Variants in SORCS1 observed in about 807,000 individuals in gnomAD.
SORCS1 encodes the protein VPS10 domain-containing receptor SorCS1.
Under a neutral mutation model 146.1 loss-of-function variants are expected in SORCS1, and 60 were observed. The ratio of observed to expected loss-of-function variants is 0.41; its 90% CI spans 0.33 to 0.51. The LOEUF is 0.51. SORCS1 is among the 20% of genes least tolerant of loss of function. The probability of loss-of-function intolerance (pLI) is 0.21; values close to 1 mark genes in which losing one functional copy is unlikely to be tolerated. For synonymous variants in SORCS1, 637 were observed against 584.0 expected (o/e 1.09, Z -1.31); for missense variants, 1,352 against 1,487.6 (o/e 0.91, Z 1.50).
At chr10:107,130,094 C>A (rs1016399408) in intron 1 of SORCS1, among the ~76,000 whole-genome samples, 3 of 152,128 alleles carry the variant, frequency 2.0e-5, no homozygotes, top group Non-Finnish European at 4.4e-5. Context: ...CAATAAAGGA[C>A]CATCCAACTG....
In SORCS1 at chr10:106,957,155, G is replaced by T. The variant is rs531851656; in HGVS notation, c.559-575C>A. On this transcript the variant is annotated intron_variant, in intron 1 of 25. Transcript: ENST00000263054. ...CAAATTACATATCTATTAGCATGTG[G>T]TTTTTTTTTGTTTTTTTTGTTTTTT... Among the ~76,000 whole-genome samples the T allele has an allele frequency of 8.1e-4, 110 of 136,442 alleles. No homozygotes were observed. In the East Asian group the frequency reaches 0.018, roughly 22 times the overall value. The allele number at this position is 136,442 out of a possible 152,430, so 89.5% of individuals were successfully genotyped here.
chr10:106,651,896 C>A (rs1176707805), intron 18 of SORCS1, among the ~76,000 whole-genome samples: 1 of 152,168 alleles, frequency 6.6e-6, no homozygotes, highest in Admixed American at 6.5e-5. Flanking sequence ...AATACAAACT[C>A]TTAACTGCCA....
intron 1 of SORCS1, among the ~76,000 whole-genome samples, chr10:107,033,085 A>G (rs1958738725): frequency 1.3e-5 from 2 of 152,216 alleles, no homozygotes; most frequent in Non-Finnish European, 2.9e-5. Context: ...CAGGTTGTAC[A>G]GGAGGGCTGG....
chr10:106,917,109 T>C (rs1035766154), intron 2 of SORCS1, among the ~76,000 whole-genome samples: 4 of 152,206 alleles, frequency 2.6e-5, no homozygotes, highest in Non-Finnish European at 2.9e-5. Flanking sequence ...AGCTGAAGTA[T>C]GATGTTCTTG....
At chr10:106,913,449 G>A (rs1464573137) in intron 2 of SORCS1, among the ~76,000 whole-genome samples, 3 of 152,146 alleles carry the variant, frequency 2.0e-5, no homozygotes, top group African/African-American at 4.8e-5. Flanking sequence ...ATGTGGAGGC[G>A]ATAGTATTTA....
intron 5 of SORCS1, among the ~76,000 whole-genome samples, chr10:106,760,053 T>A (rs1408081196): frequency 6.6e-6 from 1 of 152,118 alleles, no homozygotes; most frequent in East Asian, 1.9e-4. Context: ...TAACCCACTA[T>A]GATGTGATGG....
At chr10:106,807,997 A>G (rs915543699) in intron 3 of SORCS1, among the ~76,000 whole-genome samples, 1 of 152,200 alleles carries the variant, frequency 6.6e-6, no homozygotes, top group Admixed American at 6.5e-5. Context: ...TTCTTCTTCT[A>G]CATGGTATTA....
chr10:106,844,958 C>T (rs1455884450), intron 2 of SORCS1, among the ~76,000 whole-genome samples: 2 of 147,752 alleles, frequency 1.4e-5, no homozygotes, highest in Non-Finnish European at 1.5e-5. Context: ...ATATTTGCCA[C>T]ATTTTCTTAA....
chr10:106,610,941 G>A (rs1285779810), intron 22 of SORCS1, among the ~76,000 whole-genome samples: 3 of 152,150 alleles, frequency 2.0e-5, no homozygotes, highest in Non-Finnish European at 2.9e-5. Flanking sequence ...ATAGCTGGGC[G>A]TGGTGGCAAG....
chr10:107,105,002 A>C (rs549052520), intron 1 of SORCS1, among the ~76,000 whole-genome samples: 1 of 152,320 alleles, frequency 6.6e-6, no homozygotes, highest in African/African-American at 2.4e-5. Flanking sequence ...ACTGGCCAGA[A>C]AGTCTAATTT....
chr10:106,798,610 T>C (rs951249231), intron 3 of SORCS1, among the ~76,000 whole-genome samples: 3 of 152,236 alleles, frequency 2.0e-5, no homozygotes, highest in Non-Finnish European at 4.4e-5. Context: ...CTACAAAGGA[T>C]GTGATCTCAC....
intron 5 of SORCS1, among the ~76,000 whole-genome samples, chr10:106,741,046 A>G (rs1170308871): frequency 6.6e-6 from 1 of 152,352 alleles, no homozygotes; most frequent in East Asian, 1.9e-4. Flanking sequence ...AGTATGAATC[A>G]AGGAATCCTT....
chr10:107,155,842 G>C (rs977962804), intron 1 of SORCS1, among the ~76,000 whole-genome samples: 2 of 152,130 alleles, frequency 1.3e-5, no homozygotes, highest in East Asian at 1.9e-4. Flanking sequence ...TTAGTTGGTT[G>C]TCTGATAACA....
intron 3 of SORCS1, among the ~76,000 whole-genome samples, chr10:106,812,779 T>A (rs1947536243): frequency 6.6e-6 from 1 of 152,192 alleles, no homozygotes; most frequent in Non-Finnish European, 1.5e-5. Context: ...AGGATCTCTC[T>A]TTTCTAGGGA....
At chr10:106,800,207 AAAT>A (rs1394617293) in intron 3 of SORCS1, among the ~76,000 whole-genome samples, 1 of 152,176 alleles carries the variant, frequency 6.6e-6, no homozygotes, top group Non-Finnish European at 1.5e-5. Flanking sequence ...CTCAAGCAAA[AAAT>A]AATAATAATC....
At chr10:106,753,959 G>C (rs1034809867) in intron 5 of SORCS1, among the ~76,000 whole-genome samples, 6 of 152,182 alleles carry the variant, frequency 3.9e-5, no homozygotes, top group South Asian at 2.1e-4. Context: ...ATATAAGATT[G>C]TGTTTATTTA....
intron 23 of SORCS1, among the ~76,000 whole-genome samples, chr10:106,599,367 C>CAAAAA (rs531734833): frequency 2.6e-5 from 3 of 116,608 alleles, no homozygotes; most frequent in African/African-American, 9.7e-5. Context: ...AACTCTAATT[C>CAAAAA]AAAAAAAAAA....
At chr10:107,014,799 T>A (rs7896584) in intron 1 of SORCS1, among the ~76,000 whole-genome samples, 11,256 of 152,284 alleles carry the variant, frequency 0.074, 1,360 homozygotes, top group African/African-American at 0.25. Flanking sequence ...AAATTTACCT[T>A]TTCACCACAT....
In SORCS1 at chr10:107,089,564, T is replaced by A. The variant is rs72812986; in HGVS notation, c.558+74405A>T. On this transcript the variant is annotated intron_variant, in intron 1 of 25. Coordinates refer to ENST00000263054, the MANE Select transcript of SORCS1 (RefSeq NM_052918.5). The stretch of plus-strand genomic sequence containing the variant: ...ATCTTTCCTTCTCACTGCTGTATCC[T>A]CATCACTTAGCACAGAGCCAAACCT... 8.7e-3 allele frequency among the ~76,000 whole-genome samples: 1,330 copies of A among 152,320 alleles called. 9 individuals carry two copies. Among genetic ancestry groups the A allele is most frequent in the Non-Finnish European group, 0.014 (962 of 68,032 alleles).
Sources: allele counts gnomAD v4.1 joint callset (sites outside exome capture counted in the v4.1 genomes callset), GRCh38; gene constraint gnomAD v4.1.1; transcripts MANE v1.5; gene names NCBI Gene and HGNC (gene_info 2026-07-23, HGNC 2026-07-21).